MLYCD: variants seen among roughly 807,000 people sequenced by gnomAD.
The protein encoded by MLYCD is malonyl-CoA decarboxylase, mitochondrial.
MLYCD carries 27 observed loss-of-function variants against 35.8 expected under a neutral mutation model. That is an observed-to-expected ratio of 0.75 (90% confidence interval 0.56 to 1.04). The LOEUF (loss-of-function observed/expected upper bound fraction) is 1.04. Ranked by LOEUF, MLYCD falls within the 50% of genes least tolerant of loss-of-function variation. The pLI is 0.00. For missense variants in MLYCD, 917 were observed against 665.1 expected, an observed-to-expected ratio of 1.38 and a Z score of -4.17; for synonymous variants, 403 against 302.4, an observed-to-expected ratio of 1.33 and a Z score of -3.45.
At chr16:83,903,102 T>C (rs2151055039) in intron 1 of MLYCD, among the ~76,000 whole-genome samples, 1 of 152,194 alleles carries the variant, frequency 6.6e-6, no homozygotes, top group Middle Eastern at 3.4e-3. Flanking sequence ...GGTTCAGTGA[T>C]TTGTGGGCAC....
At chr16:83,901,001 A>C (rs1372664394) in intron 1 of MLYCD, among the ~76,000 whole-genome samples, 2 of 152,174 alleles carry the variant, frequency 1.3e-5, no homozygotes, top group African/African-American at 4.8e-5. Flanking sequence ...TTTTTTGGCT[A>C]CTTAGATGCA....
chr16:83,913,283 C>G (rs1169018727), intron 4 of MLYCD: 2 of 152,250 alleles, frequency 1.3e-5, no homozygotes, highest in Non-Finnish European at 2.9e-5. Context: ...GTAGCTCATT[C>G]CCACAGTTTC....
At chr16:83,914,362 T>A (rs1366048974) in intron 4 of MLYCD, 1 of 175,784 alleles carries the variant, frequency 5.7e-6, no homozygotes, top group Non-Finnish European at 1.2e-5. Flanking sequence ...TGGCCACTCG[T>A]GTGCCGAGCA....
Position 83,920,091 on chromosome 16 carries a change from TCCAC to T in MLYCD, c.*4603_*4606del, listed in dbSNP as rs1907602051. The T allele has an allele frequency of 1.3e-5, 2 of 148,800 alleles. No individual in the cohort carries two copies. The highest frequency in any genetic ancestry group is 4.1e-4 in the East Asian group (2 of 4,938). The allele number at this position is 148,800 out of a possible 1,614,324, so 9.2% of individuals were successfully genotyped here. ...GGAGAACAGAGTGCACAGAACACAGTCCACAGGACAGCACACGGTACACAGCAGA... is the reference window on the plus strand; with the variant it reads ...GGAGAACAGAGTGCACAGAACACAGTAGGACAGCACACGGTACACAGCAGA... On this transcript the variant is annotated 3_prime_UTR_variant, in exon 5 of 5. Coordinates refer to ENST00000262430, the MANE Select transcript of MLYCD (RefSeq NM_012213.3).
chr16:83,903,260 G>A (rs1906861941), intron 1 of MLYCD, among the ~76,000 whole-genome samples: 1 of 152,174 alleles, frequency 6.6e-6, no homozygotes, highest in Admixed American at 6.5e-5. Context: ...CAGCCACCCG[G>A]CCATGCTAGA....
At chr16:83,910,492 C>T (rs1161605123) in intron 3 of MLYCD, among the ~76,000 whole-genome samples, 4 of 151,970 alleles carry the variant, frequency 2.6e-5, no homozygotes, top group Non-Finnish European at 5.9e-5. Context: ...GAGTTCCAGA[C>T]CAGCCTGGCC....
At position 83,899,606 on chromosome 16, in the gene MLYCD, G is replaced by C. The variant is rs754508753; in HGVS notation, c.462G>C (p.Leu154=). 11 of 1,582,506 alleles carry C rather than the reference G, an allele frequency of 7.0e-6. No individual in the cohort carries two copies. Among genetic ancestry groups the C allele is most frequent in the Admixed American group, 1.7e-5 (1 of 58,154 alleles). ...AGCTGGACGGCGGCGTGCGCTTCCT[G>C]GTGCAGCTGCGGGCCGACCTGCTGG... ...ISKLDGGVRF[L]VQLRADLLEA... is the part of the protein sequence containing the mutation. Residue 154 remains leucine, a synonymous_variant, in exon 1 of 5, where the codon CTG becomes CTC. Transcript: ENST00000262430.
rs1907689370 is a variant in MLYCD, at chr16:83,922,555, T to G, written c.*7066T>G. 6.6e-6 allele frequency: 1 copy of G among 152,370 alleles called. No individual in the cohort carries two copies. Among genetic ancestry groups the G allele is most frequent in the Non-Finnish European group, 1.5e-5 (1 of 68,116 alleles). 9.4% of individuals were successfully genotyped at this position (152,370 alleles called of 1,614,324 possible). On this transcript the variant is annotated 3_prime_UTR_variant, in exon 5 of 5. Coordinates refer to ENST00000262430, the MANE Select transcript of MLYCD (RefSeq NM_012213.3). Reference sequence around the variant, plus strand: ...AAATGCTGGCCCCACCACTTCCAGCTGGGTGGCCCAGGGCAAGCCACCTAC... The same window carrying G: ...AAATGCTGGCCCCACCACTTCCAGCGGGGTGGCCCAGGGCAAGCCACCTAC...
In MLYCD at chr16:83,899,692, C is replaced by T. The variant is rs1170749458; in HGVS notation, c.528+20C>T. On this transcript the variant is annotated intron_variant, in intron 1 of 4. Transcript: ENST00000262430. ...GTCCGGGTAAGGGGCCGCCGTCGAT[C>T]CCCCGGCAGCGCGGACTGGCCGCCC... 2.0e-6 allele frequency: 3 copies of T among 1,493,886 alleles called. No homozygotes were observed. The highest frequency in any genetic ancestry group is 1.4e-5 in the African/African-American group (1 of 69,272). The allele number at this position is 1,493,886 out of a possible 1,614,324, so 92.5% of individuals were successfully genotyped here.
intron 1 of MLYCD, 51 bp from the exon 2 acceptor site, chr16:83,906,936 G>C (rs1906997832): frequency 6.9e-7 from 1 of 1,458,886 alleles, no homozygotes; most frequent in African/African-American, 1.4e-5. Flanking sequence ...CACAGAGATG[G>C]GCTTGATCTG....
At position 83,915,691 on chromosome 16, in the gene MLYCD, TGGGTGC is replaced by T; in HGVS notation, c.*209_*214del. On this transcript the variant is annotated 3_prime_UTR_variant, in exon 5 of 5. Transcript: ENST00000262430. ...ACATGCACCCAGTGCAAGACGGTTG[TGGGTGC>T]GGGTGCACACAAATGAGTGGGTTGC... 1 of 1,456,114 alleles carries T rather than the reference TGGGTGC, an allele frequency of 6.9e-7. No homozygotes were observed. Among genetic ancestry groups the T allele is most frequent in the Non-Finnish European group, 9.0e-7 (1 of 1,105,596 alleles). 90.2% of individuals were successfully genotyped at this position (1,456,114 alleles called of 1,614,324 possible).
intron 4 of MLYCD, 63 bp from the exon 5 acceptor site, chr16:83,914,893 G>A: frequency 6.2e-7 from 1 of 1,610,400 alleles, no homozygotes; most frequent in Non-Finnish European, 8.5e-7. Flanking sequence ...TCCTCTGTTG[G>A]TAACGTACCT....
At position 83,916,690 on chromosome 16, in the gene MLYCD, G is replaced by C. The variant is rs1597296710; in HGVS notation, c.*1201G>C. Reference sequence around the variant, plus strand: ...TGTGTCAGTGCACGTCTGTGTGCGTGTGCACGAGCGTCTCTGTGTGTATCA... The same window carrying C: ...TGTGTCAGTGCACGTCTGTGTGCGTCTGCACGAGCGTCTCTGTGTGTATCA... On this transcript the variant is annotated 3_prime_UTR_variant, in exon 5 of 5. Transcript: ENST00000262430. The C allele has an allele frequency of 6.8e-6, 1 of 146,452 alleles. No homozygotes were observed. Among genetic ancestry groups the C allele is most frequent in the Admixed American group, 6.8e-5 (1 of 14,606 alleles). 9.1% of individuals were successfully genotyped at this position (146,452 alleles called of 1,614,324 possible). A position where few individuals can be genotyped will look rare whatever the true frequency, so the allele number is the denominator to read the frequency against.
Position 83,915,074 on chromosome 16 carries a change from C to T in MLYCD, c.1067C>T (p.Thr356Ile). The T allele has an allele frequency of 6.2e-7, 1 of 1,614,236 alleles. No individual in the cohort carries two copies. The highest frequency in any genetic ancestry group is 8.5e-7 in the Non-Finnish European group (1 of 1,180,054). Residue 356 changes from threonine (T) to isoleucine (I), a missense_variant, in exon 5 of 5, where the codon ACA becomes ATA. Thr to Ile is a moderately conservative substitution (Grantham distance 89). Coordinates refer to ENST00000262430, the MANE Select transcript of MLYCD (RefSeq NM_012213.3). ...GAGCATGGGAGGAATGAACTCTTTA[C>T]AGATTCGGAATGTAAGGAAATCTCG... ...TKEHGRNELFTDSECKEISEI... is the reference protein window; with the variant it reads ...TKEHGRNELFIDSECKEISEI...
Position 83,899,550 on chromosome 16 carries a change from C to T in MLYCD, c.406C>T (p.Arg136Cys). ...EDRLRYALVP[R>C]YRGLFHHISK... ...CCGGCTGCGCTACGCGCTGGTGCCG[C>T]GCTATCGCGGCCTCTTCCACCACAT... The change falls in exon 1 of 5, where the codon CGC becomes TGC. Residue 136 changes from arginine to cysteine, a missense_variant. Transcript: ENST00000262430. 1 of 1,592,690 alleles carries T rather than the reference C, an allele frequency of 6.3e-7. No homozygotes were observed. The highest frequency in any genetic ancestry group is 8.5e-7 in the Non-Finnish European group (1 of 1,177,584).
intron 2 of MLYCD, 79 bp from the exon 3 acceptor site, chr16:83,908,047 C>T (rs1034032469): frequency 2.1e-5 from 33 of 1,562,436 alleles, no homozygotes; most frequent in South Asian, 1.5e-4. Context: ...TTGACTTAGA[C>T]GAATAGTATG....
rs1014859259 is a variant in MLYCD, at chr16:83,915,552, G to A, written c.*63G>A. On this transcript the variant is annotated 3_prime_UTR_variant, in exon 5 of 5. Transcript: ENST00000262430. ...AAAACGATCATTTTCAGGAGGGGCC[G>A]GGAGTTATGTATCTGAAGCAGCTTT... 37 of 1,584,556 alleles carry A rather than the reference G, an allele frequency of 2.3e-5. No individual in the cohort carries two copies. The highest frequency in any genetic ancestry group is 2.0e-4 in the African/African-American group (15 of 74,718).
chr16:83,914,089 A>G (rs980681768), intron 4 of MLYCD: 3 of 152,224 alleles, frequency 2.0e-5, no homozygotes, highest in South Asian at 2.1e-4. Flanking sequence ...GGTTTTCTCA[A>G]TGTAGTGGAG....
At chr16:83,909,457 C>G (rs1404069644) in intron 3 of MLYCD, among the ~76,000 whole-genome samples, 1 of 152,116 alleles carries the variant, frequency 6.6e-6, no homozygotes, top group African/African-American at 2.4e-5. Context: ...CCTTGACTTA[C>G]TCTTGAGTAG....
Sources: gnomAD v4.1 joint callset for allele counts (sites outside exome capture counted in the v4.1 genomes callset) on GRCh38, gnomAD v4.1.1 for gene constraint, MANE v1.5 for transcripts, NCBI Gene and HGNC (gene_info 2026-07-23, HGNC 2026-07-21) for gene names.